NFASC: variants seen among roughly 807,000 people sequenced by gnomAD.
NFASC encodes the protein neurofascin homolog.
In NFASC, 43 loss-of-function variants were observed where a neutral mutation model predicts 147.5. That is an observed-to-expected ratio of 0.29 (90% CI 0.23 to 0.38). The LOEUF is 0.38. NFASC is among the 10% of genes least tolerant of loss of function. The probability of loss-of-function intolerance (pLI) is 1.00; values close to 1 mark genes in which losing one functional copy is unlikely to be tolerated. For synonymous variants in NFASC, 622 were observed against 665.5 expected, an observed-to-expected ratio of 0.93 and a Z score of 1.01; for missense variants, 1,320 against 1,689.0, an observed-to-expected ratio of 0.78 and a Z score of 3.83.
chr1:205,011,815 C>G (rs2096258807), intron 28 of NFASC, among the ~76,000 whole-genome samples: 1 of 151,880 alleles, frequency 6.6e-6, no homozygotes, highest in African/African-American at 2.4e-5. Context: ...CGCGGTGGCT[C>G]ACGCCTGTAA....
At chr1:204,937,196 A>C (rs2092933619) in intron 2 of NFASC, among the ~76,000 whole-genome samples, 1 of 151,878 alleles carries the variant, frequency 6.6e-6, no homozygotes, top group South Asian at 2.1e-4. Context: ...TTCAAGGTAC[A>C]GAGAGTTCCC....
intron 1 of NFASC, among the ~76,000 whole-genome samples, chr1:204,916,733 G>GTTTT (rs747647369): frequency 6.6e-6 from 1 of 151,812 alleles, no homozygotes; most frequent in Non-Finnish European, 1.5e-5. Context: ...TTTGTTTTTT[G>GTTTT]TTTTTTTATT....
chr1:205,003,468 CTG>C, intron 27 of NFASC, among the ~76,000 whole-genome samples: 1 of 152,310 alleles, frequency 6.6e-6, no homozygotes, highest in South Asian at 2.1e-4. Flanking sequence ...TCAGCAATCT[CTG>C]TGCTAGTAGG....
intron 27 of NFASC, chr1:205,008,863 C>T: frequency 6.4e-6 from 1 of 156,134 alleles, no homozygotes; most frequent in Non-Finnish European, 1.4e-5. Context: ...GAGCAGAAGG[C>T]ACAGCCCCAG....
chr1:204,892,869 C>T (rs1029183113), intron 1 of NFASC, among the ~76,000 whole-genome samples: 9 of 152,196 alleles, frequency 5.9e-5, no homozygotes, highest in South Asian at 2.1e-4. Context: ...TGCTAAAGCA[C>T]GCCCACCTGG....
At chr1:204,963,937 C>G (rs899251967) in intron 8 of NFASC, among the ~76,000 whole-genome samples, 1 of 152,168 alleles carries the variant, frequency 6.6e-6, no homozygotes, top group Non-Finnish European at 1.5e-5. Flanking sequence ...CCCCATACTT[C>G]TATTTTGTTT....
chr1:204,927,134 T>C (rs537233117), intron 2 of NFASC, among the ~76,000 whole-genome samples: 1 of 152,242 alleles, frequency 6.6e-6, no homozygotes, highest in East Asian at 1.9e-4. Flanking sequence ...TGATTTTTAG[T>C]GCCCATAGAC....
rs2096401220 is a variant in NFASC at position 205,021,629 on chromosome 1, C to G, written c.*5090C>G. On this transcript the variant is annotated 3_prime_UTR_variant, in exon 30 of 30. Transcript: ENST00000339876. Reference sequence around the variant, plus strand: ...GGGCTTGAACTTGGGCCTTCTGACTCCTTGTCCAGTCAGTGTTCTTTCATC... The same window carrying G: ...GGGCTTGAACTTGGGCCTTCTGACTGCTTGTCCAGTCAGTGTTCTTTCATC... 6.5e-6 allele frequency: 1 copy of G among 153,438 alleles called. No homozygotes were observed. The highest frequency in any genetic ancestry group is 1.5e-5 in the Non-Finnish European group (1 of 68,050). The allele number at this position is 153,438 out of a possible 1,614,324, so 9.5% of individuals were successfully genotyped here. A position where few individuals can be genotyped will look rare whatever the true frequency, so the allele number is the denominator to read the frequency against.
At chr1:204,982,101 T>C (rs2095520273) in intron 21 of NFASC, 81 bp downstream of exon 21, 6 of 962,496 alleles carry the variant, frequency 6.2e-6, no homozygotes, top group Middle Eastern at 2.2e-4. Flanking sequence ...CCAGGAACCT[T>C]GGGGTGGGTA....
intron 8 of NFASC, among the ~76,000 whole-genome samples, chr1:204,967,028 C>T (rs76176642): frequency 0.017 from 2,592 of 152,232 alleles, 56 homozygotes; most frequent in African/African-American, 0.059. Context: ...TCTCTCCTCA[C>T]GCTACCAGCA....
chr1:204,892,735 A>T (rs887073129), intron 1 of NFASC, among the ~76,000 whole-genome samples: 1 of 152,252 alleles, frequency 6.6e-6, no homozygotes, highest in African/African-American at 2.4e-5. Flanking sequence ...AATAAAATAC[A>T]TTATTAAAAT....
intron 1 of NFASC, among the ~76,000 whole-genome samples, chr1:204,905,147 C>T (rs1558047488): frequency 1.3e-5 from 2 of 152,126 alleles, no homozygotes; most frequent in Admixed American, 1.3e-4. Flanking sequence ...TGCAGTGGTG[C>T]AGTCATAGTG....
rs542960894 is a variant in NFASC at position 205,016,711 on chromosome 1, C to T, written c.*172C>T. The T allele has an allele frequency of 1.5e-6, 1 of 683,860 alleles. No individual in the cohort carries two copies. Among genetic ancestry groups the T allele is most frequent in the African/African-American group, 1.8e-5 (1 of 56,990 alleles). The allele number at this position is 683,860 out of a possible 1,614,324, so 42.4% of individuals were successfully genotyped here. Reference sequence around the variant, plus strand: ...AGCCACCAAGCCACCCACAAGCCCCCTCCCAATGACCCCCCTTCAGCCCCG... The same window carrying T: ...AGCCACCAAGCCACCCACAAGCCCCTTCCCAATGACCCCCCTTCAGCCCCG... On this transcript the variant is annotated 3_prime_UTR_variant, in exon 30 of 30. Coordinates refer to ENST00000339876, the MANE Select transcript of NFASC (RefSeq NM_001005388.3). The surrounding 1 kb of genome is among the most constrained non-coding windows in gnomAD (Gnocchi z 5.1).
chr1:204,969,687 T>A (rs945684771), intron 10 of NFASC, among the ~76,000 whole-genome samples: 6 of 152,192 alleles, frequency 3.9e-5, no homozygotes, highest in African/African-American at 1.4e-4. Flanking sequence ...AGTATCAAGA[T>A]TGTTGATAAT....
At chr1:204,950,636 G>A in intron 4 of NFASC, 62 bp downstream of exon 4, 3 of 1,512,376 alleles carry the variant, frequency 2.0e-6, no homozygotes, top group Non-Finnish European at 2.7e-6. Context: ...GAGGCATGAG[G>A]TGATACCTGG....
chr1:204,977,184 A>G lies in NFASC; in HGVS notation c.1831+389A>G, dbSNP rs2095424537. ...GTTTGTGCTTCCAATGACCTCTGCCAGCCTTCCTTTCCCTCCCGCTCCATC... is the reference window on the plus strand; with the variant it reads ...GTTTGTGCTTCCAATGACCTCTGCCGGCCTTCCTTTCCCTCCCGCTCCATC... On this transcript the variant is annotated intron_variant, in intron 16 of 29. Coordinates refer to ENST00000339876, the MANE Select transcript of NFASC (RefSeq NM_001005388.3). 3.0e-6 allele frequency: 3 copies of G among 1,001,486 alleles called. No homozygotes were observed. The South Asian group carries it at 1.3e-4, about 43-fold the overall frequency. The allele number at this position is 1,001,486 out of a possible 1,614,324, so 62.0% of individuals were successfully genotyped here.
At chr1:204,830,890 A>G (rs1172121286) in intron 1 of NFASC, among the ~76,000 whole-genome samples, 2 of 152,188 alleles carry the variant, frequency 1.3e-5, no homozygotes, top group African/African-American at 2.4e-5. Context: ...GGACTCCTTC[A>G]GCTCCTGTGC....
chr1:204,861,503 T>G (rs12036643), intron 1 of NFASC, among the ~76,000 whole-genome samples: 11 of 152,038 alleles, frequency 7.2e-5, no homozygotes, highest in African/African-American at 2.7e-4. Flanking sequence ...CACTTCTTTT[T>G]TTTTGAGACG....
At chr1:204,853,317 C>T (rs2075860890) in intron 1 of NFASC, among the ~76,000 whole-genome samples, 1 of 152,204 alleles carries the variant, frequency 6.6e-6, no homozygotes. Flanking sequence ...TTGAGGATTG[C>T]TTTTAGTTCC....
Sources: gnomAD v4.1 joint callset for allele counts (sites outside exome capture counted in the v4.1 genomes callset) on GRCh38, gnomAD v4.1.1 for gene constraint, Gnocchi (gnomAD v3.1) non-coding constraint, MANE v1.5 for transcripts, NCBI Gene and HGNC (gene_info 2026-07-23, HGNC 2026-07-21) for gene names.